The following PTPDC1 variants were observed in gnomAD, a reference collection of about 807,000 sequenced individuals.
PTPDC1 encodes the protein protein tyrosine phosphatase domain-containing protein 1.
Under a neutral mutation model 75.3 loss-of-function variants are expected in PTPDC1, and 53 were observed. That is an observed-to-expected ratio of 0.70 (90% CI 0.56 to 0.88). The LOEUF is 0.88. Among genes scored for constraint, PTPDC1 ranks in the 40% least tolerant of loss-of-function variants. The pLI is 0.00. For synonymous variants in PTPDC1, 349 were observed against 366.2 expected, an observed-to-expected ratio of 0.95 and a Z score of 0.54; for missense variants, 925 against 998.6, an observed-to-expected ratio of 0.93 and a Z score of 0.99.
At chr9:94,105,651 A>G (rs1827990545) in intron 8 of PTPDC1, among the ~76,000 whole-genome samples, 1 of 125,278 alleles carries the variant, frequency 8.0e-6, no homozygotes, top group South Asian at 2.6e-4. Context: ...CTGGCAACAG[A>G]GCGAGACTCT....
rs533186566 is a variant in PTPDC1 at position 94,045,997 on chromosome 9, A to G, written c.-7+14870A>G. ...TTTTAGGTCTAACATTTAAGTCTTT[A>G]ATCCATCTTGAATTAATTTTTGTAT... is the stretch of plus-strand genomic sequence containing the variant. On this transcript the variant is annotated intron_variant, in intron 1 of 9. Transcript: ENST00000375360. 7.2e-5 allele frequency among the ~76,000 whole-genome samples: 11 copies of G among 152,286 alleles called. No homozygotes were observed. The South Asian group carries it at 2.3e-3, about 32-fold the overall frequency.
intron 2 of PTPDC1, among the ~76,000 whole-genome samples, chr9:94,066,561 T>C (rs917043835): frequency 1.4e-5 from 2 of 144,428 alleles, no homozygotes; most frequent in Non-Finnish European, 2.9e-5. Flanking sequence ...AAAATTTACT[T>C]TTTTTTTATT....
chr9:94,045,193 A>G (rs552625113), intron 1 of PTPDC1, among the ~76,000 whole-genome samples: 37 of 151,834 alleles, frequency 2.4e-4, no homozygotes, highest in African/African-American at 1.7e-4. Context: ...TTATGGCTGC[A>G]TAGTATTCCA....
intron 1 of PTPDC1, among the ~76,000 whole-genome samples, chr9:94,053,553 C>G (rs1825847325): frequency 6.6e-6 from 1 of 152,008 alleles, no homozygotes; most frequent in Non-Finnish European, 1.5e-5. Flanking sequence ...GCCACATAAA[C>G]CTAGATACAA....
At chr9:94,061,424 G>A (rs980503786) in intron 1 of PTPDC1, among the ~76,000 whole-genome samples, 6 of 152,252 alleles carry the variant, frequency 3.9e-5, no homozygotes, top group African/African-American at 1.4e-4. Context: ...TCTTCTCACA[G>A]CTGCACTAGG....
At chr9:94,089,327 G>T (rs1827202758) in intron 4 of PTPDC1, among the ~76,000 whole-genome samples, 1 of 150,042 alleles carries the variant, frequency 6.7e-6, no homozygotes, top group Admixed American at 6.6e-5. Flanking sequence ...AGAATATGCG[G>T]TGTTTGCTTT....
At chr9:94,044,306 T>A (rs991306675) in intron 1 of PTPDC1, among the ~76,000 whole-genome samples, 7 of 152,254 alleles carry the variant, frequency 4.6e-5, no homozygotes, top group African/African-American at 1.7e-4. Context: ...TTCATTTATT[T>A]AGATTTACTT....
At chr9:94,048,925 C>A (rs753344663) in intron 1 of PTPDC1, among the ~76,000 whole-genome samples, 28 of 152,178 alleles carry the variant, frequency 1.8e-4, no homozygotes, top group Admixed American at 3.9e-4. Flanking sequence ...GTAGTTAGCT[C>A]TTCTTGTTGA....
At chr9:94,052,054 TAA>T (rs1825808371) in intron 1 of PTPDC1, among the ~76,000 whole-genome samples, 1 of 152,188 alleles carries the variant, frequency 6.6e-6, no homozygotes, top group Non-Finnish European at 1.5e-5. Flanking sequence ...GTTGTGTTTT[TAA>T]AAATTATTTT....
At chr9:94,058,471 G>A (rs901664224) in intron 1 of PTPDC1, among the ~76,000 whole-genome samples, 1 of 152,032 alleles carries the variant, frequency 6.6e-6, no homozygotes, top group South Asian at 2.1e-4. Context: ...GGCTGAGGCG[G>A]GCGGATCACT....
At chr9:94,082,304 A>G (rs569560483), upstream of PTPDC1, among the ~76,000 whole-genome samples, 1 of 152,324 alleles carries the variant, frequency 6.6e-6, no homozygotes, top group South Asian at 2.1e-4. Flanking sequence ...CCCACCAGGC[A>G]CCCACTGCAT....
At chr9:94,063,515 T>A (rs1826207728) in intron 1 of PTPDC1, among the ~76,000 whole-genome samples, 2 of 152,220 alleles carry the variant, frequency 1.3e-5, no homozygotes, top group Non-Finnish European at 1.5e-5. Context: ...TTATTAATAT[T>A]TCAGGAAGCA....
chr9:94,063,649 A>G (rs965793690), intron 1 of PTPDC1, among the ~76,000 whole-genome samples: 1 of 152,194 alleles, frequency 6.6e-6, no homozygotes, highest in Non-Finnish European at 1.5e-5. Context: ...GCGTATAAAG[A>G]TTGCTTTTAG....
rs150535195 is a variant in PTPDC1, at chr9:94,048,605, G to A, written c.-6-16129G>A. ...CAATTTCTGTTCTTTTACATTTGCC[G>A]AGGAGTGCTTTACTTCCAACTATAT... On this transcript the variant is annotated intron_variant, in intron 1 of 9. Coordinates refer to the PTPDC1 transcript ENST00000375360. Among the ~76,000 whole-genome samples the A allele has an allele frequency of 2.1e-4, 32 of 152,236 alleles. No homozygotes were observed. The East Asian group carries it at 4.6e-3, about 22-fold the overall frequency.
At chr9:94,045,631 A>G (rs1825573687) in intron 1 of PTPDC1, among the ~76,000 whole-genome samples, 1 of 152,200 alleles carries the variant, frequency 6.6e-6, no homozygotes, top group African/African-American at 2.4e-5. Context: ...TTTTGGCTGC[A>G]TAAATGTCTT....
chr9:94,066,244 C>T (rs917096260), intron 2 of PTPDC1, among the ~76,000 whole-genome samples: 2 of 152,120 alleles, frequency 1.3e-5, no homozygotes, highest in South Asian at 2.1e-4. Flanking sequence ...TTCCAAAAAA[C>T]ATTTTTTAAT....
chr9:94,072,038 A>C (rs954007136), intron 2 of PTPDC1, among the ~76,000 whole-genome samples: 1 of 151,852 alleles, frequency 6.6e-6, no homozygotes, highest in African/African-American at 2.4e-5. Context: ...ATGGAGTTTC[A>C]CTCTGTTGCC....
chr9:94,096,610 T>C (rs1827578519), intron 5 of PTPDC1, among the ~76,000 whole-genome samples: 2 of 152,172 alleles, frequency 1.3e-5, no homozygotes, highest in African/African-American at 2.4e-5. Flanking sequence ...AATTAGATGT[T>C]AGTAAGAATA....
chr9:94,103,499 T>A (rs867563084), intron 7 of PTPDC1, among the ~76,000 whole-genome samples: 18 of 152,216 alleles, frequency 1.2e-4, no homozygotes, highest in Non-Finnish European at 2.1e-4. Flanking sequence ...TAATTCACCC[T>A]CGGGCAATTC....
Sources: gnomAD v4.1 joint callset for allele counts (sites outside exome capture counted in the v4.1 genomes callset) on GRCh38, gnomAD v4.1.1 for gene constraint, MANE v1.5 for transcripts, NCBI Gene and HGNC (gene_info 2026-07-23, HGNC 2026-07-21) for gene names.